Variants in PRSS23 observed in about 807,000 individuals in gnomAD.
PRSS23 encodes protease, serine 23.
A neutral mutation model predicts 34.7 loss-of-function variants in PRSS23; 25 were observed. The observed-to-expected ratio is 0.72, with a 90% CI of 0.53 to 1.01. The LOEUF is 1.01. PRSS23 is among the 50% of genes least tolerant of loss of function. The pLI, the probability that PRSS23 is intolerant of heterozygous loss-of-function variation, is 0.00. For missense variants in PRSS23, 445 were observed against 475.6 expected (o/e 0.94, Z 0.60); for synonymous variants, 176 against 186.6 (o/e 0.94, Z 0.46).
At chr11:86,863,773 C>T (rs1164938699) in intron 2 of PRSS23, among the ~76,000 whole-genome samples, 1 of 142,968 alleles carries the variant, frequency 7.0e-6, no homozygotes, top group Non-Finnish European at 1.6e-5. Context: ...TATTGACTTC[C>T]TAACGATTAA....
At chr11:86,812,617 G>A (rs1052924960), downstream of PRSS23, among the ~76,000 whole-genome samples, 2 of 151,146 alleles carry the variant, frequency 1.3e-5, no homozygotes, top group Non-Finnish European at 3.0e-5. Context: ...CTGAAACCCC[G>A]TCACTACTAA....
intron 2 of PRSS23, among the ~76,000 whole-genome samples, chr11:86,942,414 C>A (rs574957241): frequency 9.2e-5 from 14 of 152,154 alleles, no homozygotes; most frequent in Non-Finnish European, 1.6e-4. Flanking sequence ...CACCCATTTA[C>A]CTCATATCAA....
At chr11:86,812,187 T>G (rs1304199956), downstream of PRSS23, among the ~76,000 whole-genome samples, 1 of 152,172 alleles carries the variant, frequency 6.6e-6, no homozygotes, top group African/African-American at 2.4e-5. Context: ...TTATTAACCT[T>G]TCAAAGCTCT....
intron 2 of PRSS23, among the ~76,000 whole-genome samples, chr11:86,901,303 G>A (rs1021045445): frequency 1.3e-5 from 2 of 152,056 alleles, no homozygotes; most frequent in South Asian, 2.1e-4. Context: ...ACCAAGAACC[G>A]AAAACAGCTC....
At chr11:86,921,754 T>C (rs1033748740) in intron 2 of PRSS23, 2 of 152,242 alleles carry the variant, frequency 1.3e-5, no homozygotes, top group African/African-American at 2.4e-5. Context: ...GGAAATACTA[T>C]AGTTGCAGCA....
At chr11:86,854,251 C>A (rs113960274) in intron 2 of PRSS23, among the ~76,000 whole-genome samples, 1 of 152,130 alleles carries the variant, frequency 6.6e-6, no homozygotes, top group African/African-American at 2.4e-5. Flanking sequence ...CTGCCTGCCT[C>A]GGCCTCCCAA....
chr11:86,874,661 T>C (rs1948710570), intron 2 of PRSS23, among the ~76,000 whole-genome samples: 1 of 152,252 alleles, frequency 6.6e-6, no homozygotes, highest in Admixed American at 6.5e-5. Context: ...CAGTTACCTA[T>C]TGACTTATAA....
downstream of PRSS23, among the ~76,000 whole-genome samples, chr11:86,813,619 T>C (rs1368859156): frequency 6.6e-6 from 1 of 152,204 alleles, no homozygotes; most frequent in African/African-American, 2.4e-5. Context: ...GAAATATTTA[T>C]TTTAAAATCA....
chr11:86,939,426 A>ATATATATATATATATATATATTTT, intron 2 of PRSS23, among the ~76,000 whole-genome samples: 1 of 94,072 alleles, frequency 1.1e-5, no homozygotes, highest in African/African-American at 3.3e-5. Context: ...ATATATATAT[A>ATATATATATATATATATATATTTT]TTTTTTAACA....
intron 2 of PRSS23, among the ~76,000 whole-genome samples, chr11:86,881,582 G>C (rs913004744): frequency 6.6e-6 from 1 of 152,074 alleles, no homozygotes; most frequent in Admixed American, 6.6e-5. Flanking sequence ...GTCTTTGCCT[G>C]ATTTAAATAT....
intron 2 of PRSS23, among the ~76,000 whole-genome samples, chr11:86,863,903 A>G (rs973922379): frequency 2.6e-5 from 4 of 152,250 alleles, no homozygotes; most frequent in Non-Finnish European, 5.9e-5. Context: ...AATGCTTGAC[A>G]CAAATGAAGG....
At chr11:86,829,079 T>C (rs532825238) in intron 2 of PRSS23, among the ~76,000 whole-genome samples, 1 of 152,380 alleles carries the variant, frequency 6.6e-6, no homozygotes, top group South Asian at 2.1e-4. Context: ...GATAATGACC[T>C]GCAGAGTATT....
chr11:86,807,535 C>T (rs1353042979), intron 1 of PRSS23, 96 bp from the exon 2 acceptor site: 3 of 1,199,016 alleles, frequency 2.5e-6, no homozygotes, highest in African/African-American at 3.1e-5. Context: ...TTCAAAGACT[C>T]AGAAACAATG....
chr11:86,884,659 A>C (rs1948791342), intron 2 of PRSS23, among the ~76,000 whole-genome samples: 1 of 152,176 alleles, frequency 6.6e-6, no homozygotes, highest in Non-Finnish European at 1.5e-5. Context: ...CCCATGGAAC[A>C]ATCTCCAAAT....
intron 2 of PRSS23, among the ~76,000 whole-genome samples, chr11:86,900,837 T>G (rs1171037471): frequency 7.4e-6 from 1 of 135,022 alleles, no homozygotes; most frequent in African/African-American, 2.8e-5. Context: ...CAGGCTGGAG[T>G]GCAGTGATGC....
At chr11:86,813,139 G>A (rs1948191972), downstream of PRSS23, among the ~76,000 whole-genome samples, 1 of 152,070 alleles carries the variant, frequency 6.6e-6, no homozygotes, top group African/African-American at 2.4e-5. Context: ...ACCCTCCTTA[G>A]CCCTTAACTA....
chr11:86,847,966 CT>C (rs368255492), intron 2 of PRSS23, among the ~76,000 whole-genome samples: 1 of 152,272 alleles, frequency 6.6e-6, no homozygotes, highest in African/African-American at 2.4e-5. Flanking sequence ...CACTCTCCTC[CT>C]GCACTGACTC....
chr11:86,838,039 C>A (rs1419490445), intron 2 of PRSS23, among the ~76,000 whole-genome samples: 3 of 151,476 alleles, frequency 2.0e-5, no homozygotes, highest in Non-Finnish European at 2.9e-5. Flanking sequence ...CCAAGGGAAG[C>A]CGTGACAGAC....
intron 2 of PRSS23, chr11:86,938,996 T>C (rs1949182580): frequency 2.3e-6 from 1 of 442,414 alleles, no homozygotes; most frequent in African/African-American, 2.0e-5. Context: ...TCTCACTTGA[T>C]GTATTGATGT....
Sources: allele counts gnomAD v4.1 joint callset (sites outside exome capture counted in the v4.1 genomes callset), GRCh38; gene constraint gnomAD v4.1.1; transcripts MANE v1.5; gene names NCBI Gene and HGNC (gene_info 2026-07-23, HGNC 2026-07-21).